Variants in SNX3 observed in about 807,000 individuals in gnomAD.
SNX3 encodes the protein sorting nexin-3.
A neutral mutation model predicts 17.7 loss-of-function variants in SNX3; 5 were observed. That is an observed-to-expected ratio of 0.28 (90% confidence interval 0.15 to 0.59). The LOEUF is 0.59. Ranked by LOEUF, SNX3 falls within the 20% of genes least tolerant of loss-of-function variation. The probability of loss-of-function intolerance (pLI) is 0.88; values close to 1 mark genes in which losing one functional copy is unlikely to be tolerated. For missense variants in SNX3, 132 were observed against 206.8 expected, an observed-to-expected ratio of 0.64 and a Z score of 2.22; for synonymous variants, 91 against 76.5, an observed-to-expected ratio of 1.19 and a Z score of -0.99.
intron 1 of SNX3, among the ~76,000 whole-genome samples, chr6:108,238,248 T>C (rs1775411259): frequency 6.6e-6 from 1 of 151,778 alleles, no homozygotes; most frequent in African/African-American, 2.4e-5. Context: ...TATAAGAGGA[T>C]ACCCAAGCAG....
intron 1 of SNX3, among the ~76,000 whole-genome samples, chr6:108,240,633 G>C (rs1036465943): frequency 3.9e-5 from 6 of 152,158 alleles, no homozygotes; most frequent in African/African-American, 7.2e-5. Context: ...ACTGCTGGAG[G>C]GGGGCCACTG....
chr6:108,236,262 T>C (rs1277583932), intron 1 of SNX3, among the ~76,000 whole-genome samples: 9 of 151,934 alleles, frequency 5.9e-5, no homozygotes, highest in Admixed American at 1.3e-4. Context: ...AGCAGGATGA[T>C]TGCTTGAAGC....
chr6:108,228,661 C>T (rs2114725385), intron 1 of SNX3, among the ~76,000 whole-genome samples: 1 of 152,202 alleles, frequency 6.6e-6, no homozygotes, highest in Admixed American at 6.5e-5. Flanking sequence ...ACATCACTCA[C>T]TGTATTTCAG....
At chr6:108,227,600 T>G (rs1007008284) in intron 1 of SNX3, among the ~76,000 whole-genome samples, 25 of 152,322 alleles carry the variant, frequency 1.6e-4, no homozygotes, top group African/African-American at 5.5e-4. Flanking sequence ...AGGACCATGA[T>G]TAGCTTAAGA....
intron 1 of SNX3, among the ~76,000 whole-genome samples, chr6:108,259,253 G>A (rs1776117510): frequency 6.6e-6 from 1 of 152,158 alleles, no homozygotes; most frequent in South Asian, 2.1e-4. Context: ...TTTATTTAGA[G>A]AAGGGATTTT....
At chr6:108,241,374 G>A (rs1396501290) in intron 1 of SNX3, among the ~76,000 whole-genome samples, 4 of 151,822 alleles carry the variant, frequency 2.6e-5, no homozygotes, top group African/African-American at 9.7e-5. Context: ...AGCAGAAGCT[G>A]GTCAGGTGCA....
intron 1 of SNX3, among the ~76,000 whole-genome samples, chr6:108,236,899 T>C (rs1427388009): frequency 6.6e-6 from 1 of 152,216 alleles, no homozygotes; most frequent in African/African-American, 2.4e-5. Context: ...CACACGCATA[T>C]GCTTTAAATT....
At chr6:108,235,526 T>C (rs1253606290) in intron 1 of SNX3, among the ~76,000 whole-genome samples, 2 of 152,236 alleles carry the variant, frequency 1.3e-5, no homozygotes, top group Non-Finnish European at 2.9e-5. Context: ...AACCTGACTT[T>C]GGTAGAGTTA....
intron 1 of SNX3, among the ~76,000 whole-genome samples, chr6:108,231,063 G>A (rs1265040586): frequency 6.6e-6 from 1 of 151,232 alleles, no homozygotes; most frequent in African/African-American, 2.4e-5. Flanking sequence ...ACATCCTAGC[G>A]CGCTACAGGC....
rs1406321050 is a variant in SNX3 at position 108,260,909 on chromosome 6, C to T, written c.13G>A (p.Val5Met). ...GTGATCAGCCGCCGGGTGTCAGCCA[C>T]GGTCTCCGCCATTTCGCTGTAGCTG... MAETVADTRRLITKP... is the reference protein window; with the variant it reads MAETMADTRRLITKP... Residue 5 changes from valine (V) to methionine (M), a missense_variant, in exon 1 of 4, where the codon GTG (valine) becomes ATG (methionine). This residue lies in a region of SNX3 where 78 missense variants were observed against 88.8 expected (regional missense o/e 0.88). Coordinates refer to ENST00000230085, the MANE Select transcript of SNX3 (RefSeq NM_003795.6). 3 of 1,595,758 alleles carry T rather than the reference C, an allele frequency of 1.9e-6. No homozygotes were observed. The highest frequency in any genetic ancestry group is 2.6e-6 in the Non-Finnish European group (3 of 1,170,776).
rs763447261 is a variant in SNX3, at chr6:108,223,059, AG to A, written c.163-15del. 6.7e-7 allele frequency: 1 copy of A among 1,481,760 alleles called. No individual in the cohort carries two copies. Among genetic ancestry groups the A allele is most frequent in the Non-Finnish European group, 9.4e-7 (1 of 1,066,188 alleles). The allele number at this position is 1,481,760 out of a possible 1,614,324, so 91.8% of individuals were successfully genotyped here. On this transcript the variant is annotated splice_polypyrimidine_tract_variant and intron_variant, in intron 1 of 3. Transcript: ENST00000230085. ...AGGAAGATTTGTCTGAAACAAAAAA[AG>A]TTAGTCCTAAATTGAAGCACATTAA...
At chr6:108,246,275 C>A (rs1315331994) in intron 1 of SNX3, among the ~76,000 whole-genome samples, 1 of 146,652 alleles carries the variant, frequency 6.8e-6, no homozygotes, top group Non-Finnish European at 1.5e-5. Context: ...ATTTCTGAGG[C>A]CTCTAAGTAA....
chr6:108,243,688 T>C (rs1432349979), intron 1 of SNX3, among the ~76,000 whole-genome samples: 1 of 152,196 alleles, frequency 6.6e-6, no homozygotes, highest in East Asian at 1.9e-4. Flanking sequence ...CCCAGCATTT[T>C]AGGAAGCCGA....
intron 2 of SNX3, chr6:108,222,115 C>G (rs1461684832): frequency 1.0e-6 from 1 of 983,644 alleles, no homozygotes; most frequent in Non-Finnish European, 1.3e-6. Flanking sequence ...TATGCAGCCA[C>G]TTTTATCTTA....
At chr6:108,222,130 A>T in intron 2 of SNX3, 1 of 1,072,974 alleles carries the variant, frequency 9.3e-7, no homozygotes, top group South Asian at 1.6e-5. Flanking sequence ...ATCTTAGGCT[A>T]GAAACAGAAA....
intron 1 of SNX3, among the ~76,000 whole-genome samples, chr6:108,257,079 T>C (rs1275482906): frequency 6.6e-6 from 1 of 152,244 alleles, no homozygotes; most frequent in Non-Finnish European, 1.5e-5. Flanking sequence ...CTGTAAATTT[T>C]TCTCAAGACC....
intron 1 of SNX3, among the ~76,000 whole-genome samples, chr6:108,258,457 C>CAAA (rs531778288): frequency 4.9e-4 from 44 of 88,926 alleles, no homozygotes; most frequent in African/African-American, 1.8e-3. Flanking sequence ...GACTCCGTCT[C>CAAA]AAAAAAAAAA....
intron 1 of SNX3, among the ~76,000 whole-genome samples, chr6:108,256,275 A>G (rs1259367198): frequency 6.6e-6 from 1 of 152,232 alleles, no homozygotes; most frequent in East Asian, 1.9e-4. Flanking sequence ...TAAGTACCAA[A>G]TAAGATAGCT....
At chr6:108,249,698 T>C (rs1343542346) in intron 1 of SNX3, among the ~76,000 whole-genome samples, 1 of 152,122 alleles carries the variant, frequency 6.6e-6, no homozygotes, top group African/African-American at 2.4e-5. Flanking sequence ...GGCCTTAATA[T>C]TATCAGTGGG....
Sources: allele counts gnomAD v4.1 joint callset (sites outside exome capture counted in the v4.1 genomes callset), GRCh38; gene constraint gnomAD v4.1.1; regional missense constraint gnomAD v4.1.1; transcripts MANE v1.5; gene names NCBI Gene and HGNC (gene_info 2026-07-23, HGNC 2026-07-21).